Variants in EPHB2 observed in about 807,000 individuals in gnomAD.
The protein encoded by EPHB2 is EPH receptor B2.
In EPHB2, 18 loss-of-function variants were observed where a neutral mutation model predicts 96.4. That is an observed-to-expected ratio of 0.19 (90% CI 0.13 to 0.28). EPHB2 has a LOEUF of 0.28. Ranked by LOEUF, EPHB2 falls within the 10% of genes least tolerant of loss-of-function variation. The pLI, the probability that EPHB2 is intolerant of heterozygous loss-of-function variation, is 1.00. For synonymous variants in EPHB2, 506 were observed against 534.1 expected (o/e 0.95, Z 0.72); for missense variants, 989 against 1,355.4 (o/e 0.73, Z 4.25).
At chr1:22,726,109 G>A (rs533423411) in intron 1 of EPHB2, among the ~76,000 whole-genome samples, 1 of 152,210 alleles carries the variant, frequency 6.6e-6, no homozygotes, top group East Asian at 1.9e-4. Context: ...GGATGCTAGG[G>A]GACATAGAGG....
chr1:22,901,000 C>G (rs368280575), intron 9 of EPHB2, among the ~76,000 whole-genome samples: 2 of 152,196 alleles, frequency 1.3e-5, no homozygotes, highest in African/African-American at 4.8e-5. Context: ...TGGTTTTCAT[C>G]CCTATTCTGC....
At position 22,906,675 on chromosome 1, in the gene EPHB2, G is replaced by C. The variant is rs769666307; in HGVS notation, c.1889-35G>C. The C allele has an allele frequency of 1.2e-6, 2 of 1,613,808 alleles. No homozygotes were observed. Among genetic ancestry groups the C allele is most frequent in the African/African-American group, 2.7e-5 (2 of 75,066 alleles). On this transcript the variant is annotated intron_variant, in intron 10 of 15. Transcript: ENST00000374630. This position sits in a 1 kb window ranked among gnomAD's most constrained non-coding sequence, Gnocchi z 4.8. ...GGAAGGTGGCCCTTCCACCTGGCAA[G>C]TGACATCCTGTCTGTCTTGGTGTTT...
rs150002185 is a variant in EPHB2, at chr1:22,906,956, G to T, written c.2135G>T (p.Arg712Leu). 1.2e-6 allele frequency: 2 copies of T among 1,605,788 alleles called. No homozygotes were observed. Among genetic ancestry groups the T allele is most frequent in the Non-Finnish European group, 8.5e-7 (1 of 1,174,114 alleles). The change falls in exon 11 of 16, where the codon CGG becomes CTG. Residue 712 changes from arginine (R) to leucine (L), a missense_variant and splice_region_variant. Arg to Leu is a moderately radical substitution (Grantham distance 102, BLOSUM62 -2). Coordinates refer to ENST00000374630, the MANE Select transcript of EPHB2 (RefSeq NM_017449.5). This position sits in a 1 kb window ranked among gnomAD's most constrained non-coding sequence, Gnocchi z 4.8. ...MENGSLDSFL[R>L]QNDGQFTVIQ... ...AATGGCTCCCTGGACTCCTTTCTCC[G>T]GGTAGGGGAAGCCAAGAGGGCCAGG...
intron 3 of EPHB2, among the ~76,000 whole-genome samples, chr1:22,835,294 C>T (rs1156495214): frequency 1.3e-5 from 2 of 152,040 alleles, no homozygotes; most frequent in Non-Finnish European, 2.9e-5. Context: ...GCCAGAGGGT[C>T]GCTTGAGCCT....
At chr1:22,801,456 G>T (rs1186185679) in intron 3 of EPHB2, among the ~76,000 whole-genome samples, 2 of 152,112 alleles carry the variant, frequency 1.3e-5, no homozygotes, top group Admixed American at 6.5e-5. Context: ...GAGCCCCAGA[G>T]AACTGCAAGG....
chr1:22,893,818 T>A (rs957913248), intron 7 of EPHB2, among the ~76,000 whole-genome samples: 2 of 152,206 alleles, frequency 1.3e-5, no homozygotes, highest in African/African-American at 4.8e-5. Flanking sequence ...GTCCCAAGCA[T>A]TTCAGCACTC....
intron 14 of EPHB2, among the ~76,000 whole-genome samples, chr1:22,912,142 C>T (rs1011309989): frequency 2.6e-5 from 4 of 152,180 alleles, no homozygotes; most frequent in Non-Finnish European, 5.9e-5. Context: ...TCCTCACTTC[C>T]GAGGTCCAGC....
chr1:22,793,689 C>T (rs1474268876), intron 3 of EPHB2, among the ~76,000 whole-genome samples: 2 of 152,044 alleles, frequency 1.3e-5, no homozygotes, highest in East Asian at 1.9e-4. Context: ...GGAGGAGGCC[C>T]GAGACAGGGA....
At chr1:22,765,301 C>G (rs1173242265) in intron 1 of EPHB2, among the ~76,000 whole-genome samples, 1 of 152,082 alleles carries the variant, frequency 6.6e-6, no homozygotes, top group Admixed American at 6.5e-5. Context: ...AATCCCAACA[C>G]TTTAGGGGGC....
At chr1:22,812,003 A>G (rs1181776964) in intron 3 of EPHB2, among the ~76,000 whole-genome samples, 1 of 152,192 alleles carries the variant, frequency 6.6e-6, no homozygotes, top group East Asian at 1.9e-4. Context: ...CACACTGCCA[A>G]ACTCTACCCT....
At chr1:22,810,684 G>A (rs951290318) in intron 3 of EPHB2, among the ~76,000 whole-genome samples, 1 of 152,140 alleles carries the variant, frequency 6.6e-6, no homozygotes, top group African/African-American at 2.4e-5. Flanking sequence ...GGACACAACC[G>A]ACCCCAGCAG....
intron 3 of EPHB2, among the ~76,000 whole-genome samples, chr1:22,848,331 C>T (rs1295276172): frequency 1.3e-5 from 2 of 152,120 alleles, no homozygotes; most frequent in African/African-American, 4.8e-5. Context: ...CACCCCGATC[C>T]ACTCCAGCAC....
At chr1:22,727,886 T>C (rs568273410) in intron 1 of EPHB2, among the ~76,000 whole-genome samples, 4 of 150,572 alleles carry the variant, frequency 2.7e-5, no homozygotes, top group African/African-American at 9.7e-5. Context: ...CAAGCAATCC[T>C]CCTGCCCCAG....
chr1:22,741,253 A>G (rs780777056), intron 1 of EPHB2, among the ~76,000 whole-genome samples: 1 of 151,832 alleles, frequency 6.6e-6, no homozygotes, highest in South Asian at 2.1e-4. Flanking sequence ...CTCTCTCGCT[A>G]TGGGGCTGCT....
At chr1:22,896,623 C>T (rs309466) in intron 9 of EPHB2, 145 bp downstream of exon 9, 481,238 of 1,023,328 alleles carry the variant, frequency 0.47, 117,516 homozygotes, top group Non-Finnish European at 0.5. Context: ...AGCTCACTCT[C>T]ACCTCTAGGC....
At chr1:22,888,194 A>G (rs1639286768) in intron 6 of EPHB2, among the ~76,000 whole-genome samples, 1 of 152,152 alleles carries the variant, frequency 6.6e-6, no homozygotes, top group Admixed American at 6.5e-5. Flanking sequence ...GGCATGTGCC[A>G]CCACGCTCGG....
intron 1 of EPHB2, among the ~76,000 whole-genome samples, chr1:22,740,191 A>G (rs1379060846): frequency 1.3e-5 from 2 of 152,140 alleles, no homozygotes; most frequent in East Asian, 3.9e-4. Context: ...CACCTGGGTG[A>G]TGTCCCCATC....
chr1:22,802,545 C>T (rs1385363110), intron 3 of EPHB2, among the ~76,000 whole-genome samples: 2 of 152,056 alleles, frequency 1.3e-5, no homozygotes, highest in African/African-American at 2.4e-5. Context: ...GAAAGTTACC[C>T]TTCTGGTTTA....
In EPHB2 at chr1:22,858,214, C is replaced by G. The variant is rs1003137592; in HGVS notation, c.812-4823C>G. On this transcript the variant is annotated intron_variant, in intron 3 of 15. Transcript: ENST00000374630. This position sits in a 1 kb window ranked among gnomAD's most constrained non-coding sequence, Gnocchi z 7.7. ...CGCATTCGATGACCACAGGCAGGAG[C>G]GCAGTGAGTGAGAGGAGGAGGGGGA... Among the ~76,000 whole-genome samples the G allele has an allele frequency of 2.7e-5, 4 of 148,232 alleles. No individual in the cohort carries two copies. Among genetic ancestry groups the G allele is most frequent in the Admixed American group, 2.7e-4 (4 of 14,940 alleles).
Sources: allele counts gnomAD v4.1 joint callset (sites outside exome capture counted in the v4.1 genomes callset), GRCh38; gene constraint gnomAD v4.1.1; non-coding constraint Gnocchi (gnomAD v3.1); transcripts MANE v1.5; gene names NCBI Gene and HGNC (gene_info 2026-07-23, HGNC 2026-07-21).